Variants in ADCY3 observed in about 807,000 individuals in gnomAD.
The protein encoded by ADCY3 is adenylate cyclase type 3.
In ADCY3, 70 loss-of-function variants were observed where a neutral mutation model predicts 119.4. That is an observed-to-expected ratio of 0.59 (90% CI 0.48 to 0.72). The LOEUF is 0.72. ADCY3 is among the 30% of genes least tolerant of loss of function. The probability of loss-of-function intolerance (pLI) is 0.00; values close to 1 mark genes in which losing one functional copy is unlikely to be tolerated. For synonymous variants in ADCY3, 672 were observed against 621.4 expected (o/e 1.08, Z -1.21); for missense variants, 1,238 against 1,541.6 (o/e 0.80, Z 3.30).
intron 21 of ADCY3, 116 bp downstream of exon 21, chr2:24,820,608 C>T: frequency 6.5e-7 from 1 of 1,532,044 alleles, no homozygotes; most frequent in Non-Finnish European, 8.8e-7. Context: ...CACGTCTCTG[C>T]CTCTGGACTT....
At chr2:24,897,378 G>C (rs1185232985) in intron 2 of ADCY3, among the ~76,000 whole-genome samples, 2 of 151,882 alleles carry the variant, frequency 1.3e-5, no homozygotes, top group African/African-American at 4.8e-5. Context: ...TCAAGGCCTG[G>C]TTCAAAGCCC....
chr2:24,889,833 T>A (rs964137767), intron 2 of ADCY3, among the ~76,000 whole-genome samples: 2 of 152,214 alleles, frequency 1.3e-5, no homozygotes, highest in Non-Finnish European at 2.9e-5. Context: ...CGAAACTCCG[T>A]CTCAAATAAA....
chr2:24,839,103 C>T (rs1006715929), intron 7 of ADCY3, among the ~76,000 whole-genome samples: 4 of 151,970 alleles, frequency 2.6e-5, no homozygotes, highest in Non-Finnish European at 5.9e-5. Context: ...CCACCACACC[C>T]GACTAATTCT....
rs531682454 is a variant in ADCY3, at chr2:24,844,903, G to C, written c.826-2519C>G. ...ACATGTTGTGGGAGGGACCCAGAGG[G>C]AGGTAATTGAATCACAGTGGCCGGT... On this transcript the variant is annotated intron_variant, in intron 3 of 21. Transcript: ENST00000679454. 2.0e-4 allele frequency among the ~76,000 whole-genome samples: 31 copies of C among 152,308 alleles called. No individual in the cohort carries two copies. In the South Asian group the frequency reaches 6.4e-3, roughly 32 times the overall value.
At position 24,820,382 on chromosome 2, in the gene ADCY3, AC is replaced by A; in HGVS notation, c.3253-269del. 3.0e-6 allele frequency: 4 copies of A among 1,313,440 alleles called. No individual in the cohort carries two copies. In the South Asian group the frequency reaches 9.2e-5, roughly 30 times the overall value. The allele number at this position is 1,313,440 out of a possible 1,614,324, so 81.4% of individuals were successfully genotyped here. A position where few individuals can be genotyped will look rare whatever the true frequency, so the allele number is the denominator to read the frequency against. The stretch of plus-strand genomic sequence containing the variant: ...TGGTCACCTGGGTGGCAGCACTGTT[AC>A]CTGGAAACTGCCACTGCCTGCTCTT... On this transcript the variant is annotated intron_variant, in intron 21 of 21. Transcript: ENST00000679454.
At chr2:24,857,420 G>A (rs113391340) in intron 3 of ADCY3, among the ~76,000 whole-genome samples, 2,360 of 152,366 alleles carry the variant, frequency 0.015, 60 homozygotes, top group African/African-American at 0.048. Context: ...CTCTAGAACA[G>A]CGCTAATAGA....
At chr2:24,887,249 G>A (rs1558501850) in intron 2 of ADCY3, among the ~76,000 whole-genome samples, 1 of 152,130 alleles carries the variant, frequency 6.6e-6, no homozygotes, top group African/African-American at 2.4e-5. Context: ...TCACTATCAC[G>A]AGAACAGCAT....
At chr2:24,859,312 C>G (rs901845047) in intron 3 of ADCY3, among the ~76,000 whole-genome samples, 2 of 152,148 alleles carry the variant, frequency 1.3e-5, no homozygotes, top group Non-Finnish European at 2.9e-5. Context: ...GGCAGAGGCA[C>G]AGCCCTCCCA....
chr2:24,916,352 G>C (rs1171131360), intron 2 of ADCY3, among the ~76,000 whole-genome samples: 1 of 152,196 alleles, frequency 6.6e-6, no homozygotes, highest in Non-Finnish European at 1.5e-5. Flanking sequence ...TGAGGAGATG[G>C]AGCTAGAGAG....
chr2:24,828,606 A>T (rs764210392), intron 13 of ADCY3, among the ~76,000 whole-genome samples: 2 of 152,110 alleles, frequency 1.3e-5, no homozygotes, highest in African/African-American at 4.8e-5. Flanking sequence ...AAATCCTTCC[A>T]TTGGGGGGAT....
intron 3 of ADCY3, among the ~76,000 whole-genome samples, chr2:24,863,934 G>A (rs1233158425): frequency 6.6e-6 from 1 of 152,166 alleles, no homozygotes; most frequent in Non-Finnish European, 1.5e-5. Context: ...GATAAACAAG[G>A]AAAACTTAAG....
intron 6 of ADCY3, among the ~76,000 whole-genome samples, chr2:24,840,294 G>A (rs1670845715): frequency 6.6e-6 from 1 of 152,236 alleles, no homozygotes; most frequent in African/African-American, 2.4e-5. Context: ...GTTTCTCTCT[G>A]CCAATTACTC....
chr2:24,910,460 G>C (rs542941770), intron 2 of ADCY3, among the ~76,000 whole-genome samples: 1 of 152,144 alleles, frequency 6.6e-6, no homozygotes, highest in African/African-American at 2.4e-5. Context: ...TTGTTACACA[G>C]CAGTGGATAA....
At chr2:24,822,482 T>C (rs761750343) in intron 19 of ADCY3, 29 bp downstream of exon 19, 1 of 1,609,222 alleles carries the variant, frequency 6.2e-7, no homozygotes, top group East Asian at 2.2e-5. Flanking sequence ...GGGCAGAGCC[T>C]CATCTCTCTG....
At chr2:24,844,251 TG>T (rs1671407656) in intron 3 of ADCY3, among the ~76,000 whole-genome samples, 1 of 151,778 alleles carries the variant, frequency 6.6e-6, no homozygotes, top group South Asian at 2.1e-4. Context: ...GAGGAGTGCA[TG>T]GGCGGGAACT....
At chr2:24,835,893 G>A (rs1167319870) in intron 9 of ADCY3, among the ~76,000 whole-genome samples, 1 of 148,958 alleles carries the variant, frequency 6.7e-6, no homozygotes, top group Non-Finnish European at 1.5e-5. Flanking sequence ...CCAAGATCGC[G>A]CCACTGCACT....
intron 2 of ADCY3, among the ~76,000 whole-genome samples, chr2:24,901,060 C>G (rs1004405508): frequency 2.0e-5 from 3 of 151,986 alleles, no homozygotes; most frequent in African/African-American, 7.2e-5. Flanking sequence ...AGTGAGACTC[C>G]GTCTCAAAAA....
At chr2:24,866,303 T>C (rs1279367510) in intron 3 of ADCY3, among the ~76,000 whole-genome samples, 1 of 152,068 alleles carries the variant, frequency 6.6e-6, no homozygotes, top group Non-Finnish European at 1.5e-5. Flanking sequence ...CCATCCACAA[T>C]ATCTAGTATT....
chr2:24,880,632 C>A (rs564110613), intron 2 of ADCY3, among the ~76,000 whole-genome samples: 10 of 152,350 alleles, frequency 6.6e-5, no homozygotes, highest in Admixed American at 6.5e-4. Context: ...GACTAGGTAG[C>A]TGCTTTAGAT....
Sources: gnomAD v4.1 joint callset for allele counts (sites outside exome capture counted in the v4.1 genomes callset) on GRCh38, gnomAD v4.1.1 for gene constraint, MANE v1.5 for transcripts, NCBI Gene and HGNC (gene_info 2026-07-23, HGNC 2026-07-21) for gene names.